FAM86B2: variants seen among roughly 807,000 people sequenced by gnomAD.
The protein encoded by FAM86B2 is putative protein N-methyltransferase FAM86B2.
A neutral mutation model predicts 26.5 loss-of-function variants in FAM86B2; 1 was observed. The observed-to-expected ratio is 0.04, with a 90% CI of 0.01 to 0.18. The LOEUF is 0.18. Among genes scored for constraint, FAM86B2 ranks in the 10% least tolerant of loss-of-function variants. The pLI is 1.00. For synonymous variants in FAM86B2, 11 were observed against 127.8 expected (o/e 0.09, Z 6.17); for missense variants, 43 against 303.5 (o/e 0.14, Z 6.38).
At chr8:12,429,480 T>A (rs546246245) in intron 4 of FAM86B2, among the ~76,000 whole-genome samples, 1 of 86,730 alleles carries the variant, frequency 1.2e-5, no homozygotes, top group East Asian at 4.8e-4. Context: ...TATCTATGTT[T>A]TATCTCATTT....
At chr8:12,434,634 T>G (rs1242949709) in intron 1 of FAM86B2, among the ~76,000 whole-genome samples, 2 of 135,812 alleles carry the variant, frequency 1.5e-5, no homozygotes, top group African/African-American at 5.7e-5. Flanking sequence ...GGCCTGCTGC[T>G]AATCCCCCTC....
chr8:12,433,163 GTGC>G, intron 2 of FAM86B2, among the ~76,000 whole-genome samples: 1 of 117,166 alleles, frequency 8.5e-6, no homozygotes, highest in Non-Finnish European at 1.8e-5. Context: ...AACCAGCCTT[GTGC>G]TGGGTTTTAA....
In FAM86B2 at chr8:12,429,437, C is replaced by A. The variant is rs1813199320; in HGVS notation, c.343-323G>T. On this transcript the variant is annotated intron_variant, in intron 4 of 7. Transcript: ENST00000262365. ...AAGAGGTGGCTGCCTTGTGATGATTCAATATGCTATGTTTTTCCTTTGTGG... is the reference window on the plus strand; with the variant it reads ...AAGAGGTGGCTGCCTTGTGATGATTAAATATGCTATGTTTTTCCTTTGTGG... 3.1e-5 allele frequency among the ~76,000 whole-genome samples: 2 copies of A among 64,322 alleles called. 1 individual carries two copies. Among genetic ancestry groups the A allele is most frequent in the African/African-American group, 1.1e-4 (2 of 17,630 alleles). The allele number at this position is 64,322 out of a possible 152,430, so 42.2% of individuals were successfully genotyped here.
At chr8:12,434,880 A>G (rs1798530846) in intron 1 of FAM86B2, among the ~76,000 whole-genome samples, 1 of 151,430 alleles carries the variant, frequency 6.6e-6, no homozygotes, top group African/African-American at 2.4e-5. Flanking sequence ...ACTTCTCCCC[A>G]GTTGCTCCAT....
intron 2 of FAM86B2, 54 bp downstream of exon 2, chr8:12,433,998 C>A (rs1798429179): frequency 6.2e-7 from 1 of 1,605,682 alleles, no homozygotes; most frequent in African/African-American, 1.4e-5. Context: ...CTCAGGTCTT[C>A]CGGAGAGATT....
At chr8:12,426,378 G>A (rs1395352888) in intron 7 of FAM86B2, among the ~76,000 whole-genome samples, 7 of 145,620 alleles carry the variant, frequency 4.8e-5, no homozygotes, top group Admixed American at 2.7e-4. Flanking sequence ...GTTGGTTGAG[G>A]CTTATACTAT....
chr8:12,434,988 C>T (rs1315216006), intron 1 of FAM86B2, among the ~76,000 whole-genome samples: 2 of 151,434 alleles, frequency 1.3e-5, no homozygotes, highest in African/African-American at 2.4e-5. Flanking sequence ...AGCAGAGCCT[C>T]ATCTATCATG....
intron 3 of FAM86B2, among the ~76,000 whole-genome samples, chr8:12,431,572 A>G (rs554278691): frequency 0.02 from 1,469 of 74,124 alleles, 181 homozygotes; most frequent in African/African-American, 0.077. Context: ...AAATAAATAA[A>G]TAAGTAAAAA....
At chr8:12,431,578 A>G (rs1361338601) in intron 3 of FAM86B2, among the ~76,000 whole-genome samples, 1 of 85,950 alleles carries the variant, frequency 1.2e-5, no homozygotes, top group South Asian at 3.8e-4. Flanking sequence ...ATAAATAAGT[A>G]AAAAATAAAA....
At chr8:12,435,969 C>A (rs1288431462) in intron 1 of FAM86B2, among the ~76,000 whole-genome samples, 1 of 151,618 alleles carries the variant, frequency 6.6e-6, no homozygotes, top group Non-Finnish European at 1.5e-5. Flanking sequence ...TTTAAAAAGT[C>A]GTGAAAATGA....
chr8:12,430,912 CTG>C (rs1290403263), intron 3 of FAM86B2, among the ~76,000 whole-genome samples: 2 of 12,710 alleles, frequency 1.6e-4, no homozygotes, highest in Admixed American at 2.4e-3. Flanking sequence ...CCAGGCAGAA[CTG>C]TGAGGGCGGC....
Position 12,424,717 on chromosome 8 carries a change from C to T in FAM86B2, c.*1172G>A, listed in dbSNP as rs1489982804. 1.7e-5 allele frequency among the ~76,000 whole-genome samples: 2 copies of T among 119,436 alleles called. No individual in the cohort carries two copies. Among genetic ancestry groups the T allele is most frequent in the Non-Finnish European group, 3.8e-5 (2 of 53,150 alleles). 78.4% of individuals were successfully genotyped at this position (119,436 alleles called of 152,430 possible). On this transcript the variant is annotated 3_prime_UTR_variant, in exon 8 of 8. Coordinates refer to ENST00000262365, the MANE Select transcript of FAM86B2 (RefSeq NM_001137610.3). The stretch of plus-strand genomic sequence containing the variant: ...ATGATGTCAAGTTGGAGGTGGAGCG[C>T]TGCTGGGTTGTGAAGGGTCTCAAGT...
At chr8:12,426,444 CGTAA>C (rs1812646473) in intron 7 of FAM86B2, among the ~76,000 whole-genome samples, 1 of 103,326 alleles carries the variant, frequency 9.7e-6, no homozygotes, top group Non-Finnish European at 1.9e-5. Flanking sequence ...TTTTTTTTCA[CGTAA>C]GTATCTGAAG....
chr8:12,424,821 T>C lies in FAM86B2; in HGVS notation c.*1068A>G. 2.1e-6 allele frequency: 2 copies of C among 951,016 alleles called. No individual in the cohort carries two copies. The highest frequency in any genetic ancestry group is 3.0e-5 in the Admixed American group (1 of 33,042). The allele number at this position is 951,016 out of a possible 1,614,324, so 58.9% of individuals were successfully genotyped here. A position where few individuals can be genotyped will look rare whatever the true frequency, so the allele number is the denominator to read the frequency against. On this transcript the variant is annotated 3_prime_UTR_variant, in exon 8 of 8. Coordinates refer to ENST00000262365, the MANE Select transcript of FAM86B2 (RefSeq NM_001137610.3). Reference sequence around the variant, plus strand: ...GGGTCAGCCAAGTGGTGACCTGGGATGGGGTGGGGACAGGCAATGAGTTAA... The same window carrying C: ...GGGTCAGCCAAGTGGTGACCTGGGACGGGGTGGGGACAGGCAATGAGTTAA...
At chr8:12,434,922 C>T (rs1383047992) in intron 1 of FAM86B2, among the ~76,000 whole-genome samples, 1 of 151,720 alleles carries the variant, frequency 6.6e-6, no homozygotes, top group African/African-American at 2.4e-5. Context: ...GGCTTTAAAG[C>T]CACTCTCATC....
intron 1 of FAM86B2, among the ~76,000 whole-genome samples, chr8:12,435,396 G>A (rs1221706537): frequency 9.8e-6 from 1 of 101,860 alleles, no homozygotes; most frequent in Admixed American, 1.1e-4. Context: ...CATTCAGTGT[G>A]GGCATGTGAA....
In FAM86B2 at chr8:12,426,075, C is replaced by T. The variant is rs1233107024; in HGVS notation, c.893-86G>A. The T allele has an allele frequency of 5.9e-5, 16 of 269,816 alleles. 1 individual carries two copies. Among genetic ancestry groups the T allele is most frequent in the Admixed American group, 3.4e-4 (5 of 14,728 alleles). 16.7% of individuals were successfully genotyped at this position (269,816 alleles called of 1,614,324 possible). On this transcript the variant is annotated intron_variant, in intron 7 of 7. Coordinates refer to ENST00000262365, the MANE Select transcript of FAM86B2 (RefSeq NM_001137610.3). Reference sequence around the variant, plus strand: ...TGTGGGGCTGCTAGGACAGGCCTGGCGGGGTGGGGGGTGTCTAAGTCAGTT... The same window carrying T: ...TGTGGGGCTGCTAGGACAGGCCTGGTGGGGTGGGGGGTGTCTAAGTCAGTT...
intron 6 of FAM86B2, among the ~76,000 whole-genome samples, 191 bp downstream of exon 6, chr8:12,428,442 G>A (rs1295823090): frequency 1.6e-4 from 24 of 152,050 alleles, no homozygotes; most frequent in Admixed American, 1.6e-3. Context: ...CAACAACAGG[G>A]CTGTGGCTTG....
intron 7 of FAM86B2, among the ~76,000 whole-genome samples, chr8:12,426,646 C>T (rs1432527107): frequency 4.1e-5 from 2 of 48,476 alleles, no homozygotes; most frequent in Admixed American, 2.3e-4. Flanking sequence ...GTGTGTGCAA[C>T]CACATCTGGC....
Sources: gnomAD v4.1 joint callset for allele counts (sites outside exome capture counted in the v4.1 genomes callset) on GRCh38, gnomAD v4.1.1 for gene constraint, MANE v1.5 for transcripts, NCBI Gene and HGNC (gene_info 2026-07-23, HGNC 2026-07-21) for gene names.